Variants in TPP2 observed in about 807,000 individuals in gnomAD.
The protein encoded by TPP2 is tripeptidyl peptidase 2, also known as tripeptidyl-peptidase 2.
In TPP2, 34 loss-of-function variants were observed where a neutral mutation model predicts 155.9. The observed-to-expected ratio is 0.22, with a 90% CI of 0.17 to 0.29. The LOEUF is 0.29. TPP2 is among the 10% of genes least tolerant of loss of function. TPP2 has a pLI of 1.00. For missense variants in TPP2, 1,028 were observed against 1,522.3 expected, an observed-to-expected ratio of 0.68 and a Z score of 5.40; for synonymous variants, 510 against 529.4, an observed-to-expected ratio of 0.96 and a Z score of 0.50.
Position 102,661,556 on chromosome 13 carries a change from A to G in TPP2, c.3144-2092A>G, listed in dbSNP as rs76192035. ...CCTCCACACCCAGCCCCCAGAATATATAAATAATTCCTACAATTTCATAAT... is the reference window on the plus strand; with the variant it reads ...CCTCCACACCCAGCCCCCAGAATATGTAAATAATTCCTACAATTTCATAAT... On this transcript the variant is annotated intron_variant, in intron 25 of 29. Transcript: ENST00000376052. 5.2e-3 allele frequency among the ~76,000 whole-genome samples: 795 copies of G among 152,240 alleles called. 8 individuals are homozygous for G. The highest frequency in any genetic ancestry group is 0.018 in the African/African-American group (757 of 41,522).
Position 102,644,543 on chromosome 13 carries a change from A to G in TPP2, c.2176-14A>G, listed in dbSNP as rs368276491. On this transcript the variant is annotated splice_polypyrimidine_tract_variant and intron_variant, in intron 17 of 29. Transcript: ENST00000376052. The stretch of plus-strand genomic sequence containing the variant: ...ATAAGAAAAGAGATATATTTTATTT[A>G]CTTTTATTTGCAGGGTGGAAAAGCA... 91 of 1,573,844 alleles carry G rather than the reference A, an allele frequency of 5.8e-5. No individual in the cohort carries two copies. Among genetic ancestry groups the G allele is most frequent in the Non-Finnish European group, 7.5e-5 (86 of 1,153,612 alleles).
At position 102,644,544 on chromosome 13, in the gene TPP2, C is replaced by T. The variant is rs1224650690; in HGVS notation, c.2176-13C>T. 2.5e-5 allele frequency: 39 copies of T among 1,580,210 alleles called. No homozygotes were observed. The highest frequency in any genetic ancestry group is 2.9e-5 in the Non-Finnish European group (34 of 1,159,324). ...TAAGAAAAGAGATATATTTTATTTA[C>T]TTTTATTTGCAGGGTGGAAAAGCAA... On this transcript the variant is annotated splice_polypyrimidine_tract_variant and intron_variant, in intron 17 of 29. Coordinates refer to ENST00000376052, the MANE Select transcript of TPP2 (RefSeq NM_001330588.2).
intron 22 of TPP2, 105 bp downstream of exon 22, chr13:102,649,256 T>C: frequency 1.4e-6 from 2 of 1,457,832 alleles, no homozygotes; most frequent in Non-Finnish European, 1.8e-6. Flanking sequence ...TAGTCATTTT[T>C]TTTTTGGCTG....
At chr13:102,638,179 T>C (rs1196141636) in intron 14 of TPP2, 60 bp from the exon 15 acceptor site, 16 of 1,489,932 alleles carry the variant, frequency 1.1e-5, no homozygotes, top group South Asian at 9.0e-5. Flanking sequence ...GTTTAGACCT[T>C]CCCCCGCTCT....
chr13:102,637,050 T>C, intron 13 of TPP2, 32 bp from the exon 14 acceptor site: 1 of 1,555,220 alleles, frequency 6.4e-7, no homozygotes, highest in South Asian at 1.2e-5. Context: ...AAAAAAATAC[T>C]CATCTTTAAT....
At chr13:102,650,702 C>T (rs1161468186) in intron 23 of TPP2, among the ~76,000 whole-genome samples, 1 of 152,116 alleles carries the variant, frequency 6.6e-6, no homozygotes, top group Non-Finnish European at 1.5e-5. Flanking sequence ...AACAGAAAAG[C>T]ATTATTAGTA....
intron 27 of TPP2, among the ~76,000 whole-genome samples, chr13:102,673,217 C>T (rs573552235): frequency 6.6e-6 from 1 of 152,122 alleles, no homozygotes; most frequent in African/African-American, 2.4e-5. Context: ...TGGGTGAGCC[C>T]TTGAGCCTTC....
intron 1 of TPP2, among the ~76,000 whole-genome samples, chr13:102,600,674 A>G (rs1242111796): frequency 6.6e-6 from 1 of 152,214 alleles, no homozygotes; most frequent in Non-Finnish European, 1.5e-5. Context: ...AATGGAAAAA[A>G]TATATATGGG....
At chr13:102,655,019 G>A (rs375069318) in intron 24 of TPP2, 7 of 506,978 alleles carry the variant, frequency 1.4e-5, no homozygotes, top group South Asian at 5.8e-5. Context: ...TGAGGCCTTT[G>A]TTTACAGGTT....
chr13:102,640,754 G>A (rs1882710636), intron 16 of TPP2, among the ~76,000 whole-genome samples: 1 of 139,838 alleles, frequency 7.2e-6, no homozygotes, highest in African/African-American at 2.7e-5. Context: ...CAGTTCAAAC[G>A]ATTCTCCTTC....
chr13:102,629,711 T>C lies in TPP2; in HGVS notation c.1144+102T>C, dbSNP rs1595163071. 9.2e-6 allele frequency: 13 copies of C among 1,406,558 alleles called. No homozygotes were observed. The East Asian group carries it at 3.5e-4, about 38-fold the overall frequency. 87.1% of individuals were successfully genotyped at this position (1,406,558 alleles called of 1,614,324 possible). A position where few individuals can be genotyped will look rare whatever the true frequency, so the allele number is the denominator to read the frequency against. On this transcript the variant is annotated intron_variant, in intron 9 of 29. Transcript: ENST00000376052. Reference sequence around the variant, plus strand: ...TATCTCTGCTACACGTAAGACACTGTACACCTTAAGTGTGTCCTCAGGAAA... The same window carrying C: ...TATCTCTGCTACACGTAAGACACTGCACACCTTAAGTGTGTCCTCAGGAAA...
At chr13:102,666,660 A>G (rs532673909) in intron 27 of TPP2, among the ~76,000 whole-genome samples, 2 of 151,784 alleles carry the variant, frequency 1.3e-5, no homozygotes, top group South Asian at 4.2e-4. Context: ...TGGTTTTCTC[A>G]GTTTTACCAT....
chr13:102,646,902 A>G (rs755752170), intron 20 of TPP2, among the ~76,000 whole-genome samples: 3 of 152,194 alleles, frequency 2.0e-5, no homozygotes, highest in Non-Finnish European at 4.4e-5. Flanking sequence ...AATGTTAGGG[A>G]AATGGATTGG....
rs1423988718 is a variant in TPP2, at chr13:102,643,351, C to T, written c.2150C>T (p.Thr717Ile). Residue 717 changes from threonine to isoleucine, a missense_variant, in exon 17 of 30, where the codon ACA becomes ATA. Coordinates refer to ENST00000376052, the MANE Select transcript of TPP2 (RefSeq NM_001330588.2). ...TTTTGTTCTCTTCCAGAGAAAGGAA[C>T]ACTGACTGAAGCTTTTCCTGTCCTA... is the stretch of plus-strand genomic sequence containing the variant. ...YKFCSLPEKG[T>I]LTEAFPVLGG... 4 of 1,607,940 alleles carry T rather than the reference C, an allele frequency of 2.5e-6. No homozygotes were observed. The highest frequency in any genetic ancestry group is 1.7e-6 in the Non-Finnish European group (2 of 1,178,178).
intron 23 of TPP2, among the ~76,000 whole-genome samples, chr13:102,650,871 A>T (rs1883442373): frequency 6.6e-6 from 1 of 152,162 alleles, no homozygotes; most frequent in African/African-American, 2.4e-5. Context: ...AAAGCTGTTG[A>T]GTTCATTATA....
At chr13:102,597,754 A>C (rs1268024992) in intron 1 of TPP2, among the ~76,000 whole-genome samples, 1 of 152,252 alleles carries the variant, frequency 6.6e-6, no homozygotes, top group African/African-American at 2.4e-5. Context: ...GGTTTGGGGA[A>C]GAATAGTTTG....
At chr13:102,672,842 A>G (rs997684078) in intron 27 of TPP2, among the ~76,000 whole-genome samples, 1 of 152,212 alleles carries the variant, frequency 6.6e-6, no homozygotes, top group Non-Finnish European at 1.5e-5. Context: ...ATTCCAGTGT[A>G]AACAAGCAGT....
At chr13:102,672,941 G>T (rs371412098) in intron 27 of TPP2, among the ~76,000 whole-genome samples, 10 of 152,156 alleles carry the variant, frequency 6.6e-5, no homozygotes, top group African/African-American at 2.4e-4. Flanking sequence ...GATCTTTTAG[G>T]CATAGTTTCA....
At chr13:102,617,579 C>T (rs1045112867) in intron 4 of TPP2, among the ~76,000 whole-genome samples, 10 of 152,242 alleles carry the variant, frequency 6.6e-5, no homozygotes, top group African/African-American at 2.4e-4. Context: ...GATGTGACAG[C>T]CTCAGATTAT....
Sources: gnomAD v4.1 joint callset for allele counts (sites outside exome capture counted in the v4.1 genomes callset) on GRCh38, gnomAD v4.1.1 for gene constraint, MANE v1.5 for transcripts, NCBI Gene and HGNC (gene_info 2026-07-23, HGNC 2026-07-21) for gene names.